Variants in PPARGC1A observed in about 807,000 individuals in gnomAD.
PPARGC1A encodes the protein PPARG coactivator 1 alpha.
In PPARGC1A, 25 loss-of-function variants were observed where a neutral mutation model predicts 88.7. That is an observed-to-expected ratio of 0.28 (90% CI 0.21 to 0.39). The LOEUF (loss-of-function observed/expected upper bound fraction) is 0.39. Among genes scored for constraint, PPARGC1A ranks in the 10% least tolerant of loss-of-function variants. The pLI is 1.00. For synonymous variants in PPARGC1A, 363 were observed against 355.6 expected (o/e 1.02, Z -0.24); for missense variants, 880 against 968.7 (o/e 0.91, Z 1.22).
the PPARGC1A span, among the ~76,000 whole-genome samples, chr4:24,316,543 C>T: frequency 2.1e-3 from 320 of 152,262 alleles, 1 homozygote; most frequent in African/African-American, 7.2e-3. Context: ...TTTTAAAACC[C>T]TCCACATTAG....
At chr4:24,007,652 T>C in the PPARGC1A span, among the ~76,000 whole-genome samples, 1 of 152,128 alleles carries the variant, frequency 6.6e-6, no homozygotes, top group Non-Finnish European at 1.5e-5. Flanking sequence ...GCCACATCCC[T>C]GGAGCCCAAA....
the PPARGC1A span, among the ~76,000 whole-genome samples, chr4:24,238,749 G>A: frequency 7.5e-5 from 6 of 79,490 alleles, no homozygotes; most frequent in South Asian, 1.1e-3. Context: ...TTGTATATGT[G>A]TGTGTGTGTG....
chr4:24,203,156 G>A, the PPARGC1A span, among the ~76,000 whole-genome samples: 3 of 152,238 alleles, frequency 2.0e-5, no homozygotes, highest in Non-Finnish European at 2.9e-5. Context: ...GAAAGGTGAG[G>A]AGTGTGAGGA....
At chr4:23,813,237 T>G in intron 8 of PPARGC1A, 112 bp from the exon 9 acceptor site, 1 of 888,546 alleles carries the variant, frequency 1.1e-6, no homozygotes, top group Non-Finnish European at 1.8e-6. Flanking sequence ...TGGCTTTTTC[T>G]TCCCAGCTAC....
chr4:24,165,014 A>C, the PPARGC1A span, among the ~76,000 whole-genome samples: 6 of 152,174 alleles, frequency 3.9e-5, no homozygotes, highest in Non-Finnish European at 8.8e-5. Context: ...CACAACTAAA[A>C]GGAGTAGCTA....
At chr4:23,947,332 T>G in the PPARGC1A span, among the ~76,000 whole-genome samples, 3 of 142,350 alleles carry the variant, frequency 2.1e-5, no homozygotes, top group Non-Finnish European at 4.5e-5. Context: ...CAGATATAAT[T>G]ATAATCATTG....
At chr4:24,312,725 TAC>T in the PPARGC1A span, among the ~76,000 whole-genome samples, 1 of 151,916 alleles carries the variant, frequency 6.6e-6, no homozygotes, top group African/African-American at 2.4e-5. Context: ...TGGTACAAAG[TAC>T]AGTGGTTAGC....
At chr4:24,289,018 C>G in the PPARGC1A span, among the ~76,000 whole-genome samples, 1 of 152,052 alleles carries the variant, frequency 6.6e-6, no homozygotes, top group South Asian at 2.1e-4. Flanking sequence ...TCAGGAGTTC[C>G]AGGCCAGCCT....
chr4:23,972,976 C>G, the PPARGC1A span, among the ~76,000 whole-genome samples: 1 of 152,136 alleles, frequency 6.6e-6, no homozygotes, highest in Non-Finnish European at 1.5e-5. Flanking sequence ...CTCAGCTGCT[C>G]GTTAAGCAAA....
the PPARGC1A span, among the ~76,000 whole-genome samples, chr4:24,100,951 C>T: frequency 6.6e-6 from 1 of 152,130 alleles, no homozygotes; most frequent in Non-Finnish European, 1.5e-5. Context: ...ATGTATTAAC[C>T]TAACATCCAT....
the PPARGC1A span, among the ~76,000 whole-genome samples, chr4:24,059,967 G>A: frequency 3.3e-5 from 5 of 152,110 alleles, no homozygotes; most frequent in African/African-American, 4.8e-5. Flanking sequence ...GCCTTTCTGC[G>A]TCCCACTGCC....
At chr4:24,188,374 A>T in the PPARGC1A span, among the ~76,000 whole-genome samples, 1 of 152,122 alleles carries the variant, frequency 6.6e-6, no homozygotes, top group Admixed American at 6.5e-5. Context: ...AAGAAACGAA[A>T]GGTGAGTCTG....
the PPARGC1A span, among the ~76,000 whole-genome samples, chr4:24,343,046 A>T: frequency 2.0e-5 from 3 of 152,128 alleles, no homozygotes; most frequent in Non-Finnish European, 4.4e-5. Context: ...AGCTTGTGGG[A>T]TTCATCAGGA....
the PPARGC1A span, among the ~76,000 whole-genome samples, chr4:24,280,422 T>C: frequency 6.6e-6 from 1 of 152,170 alleles, no homozygotes; most frequent in South Asian, 2.1e-4. Context: ...CAGAGCTGCA[T>C]CCTGAAAGCT....
At chr4:24,212,648 T>C in the PPARGC1A span, among the ~76,000 whole-genome samples, 1 of 152,208 alleles carries the variant, frequency 6.6e-6, no homozygotes. Context: ...GGGCAACTTG[T>C]TGGGGATCCT....
chr4:24,186,533 C>T, the PPARGC1A span, among the ~76,000 whole-genome samples: 1 of 152,220 alleles, frequency 6.6e-6, no homozygotes, highest in South Asian at 2.1e-4. Context: ...AGCCTACCTA[C>T]CAGGGTTGTT....
At chr4:23,872,450 C>T (rs1315645693) in intron 2 of PPARGC1A, among the ~76,000 whole-genome samples, 2 of 152,130 alleles carry the variant, frequency 1.3e-5, no homozygotes, top group Non-Finnish European at 2.9e-5. Context: ...TTTGTTGGGG[C>T]AGTGGGACAG....
chr4:23,985,556 A>G, the PPARGC1A span, among the ~76,000 whole-genome samples: 2 of 151,872 alleles, frequency 1.3e-5, no homozygotes, highest in Non-Finnish European at 2.9e-5. Context: ...TTAGCTAAAC[A>G]GACATGTAGT....
chr4:24,410,163 G>A, the PPARGC1A span, among the ~76,000 whole-genome samples: 2 of 152,066 alleles, frequency 1.3e-5, no homozygotes, highest in Admixed American at 1.3e-4. Flanking sequence ...TGAAAAAATT[G>A]TGAAAATAAT....
Sources: gnomAD v4.1 joint callset for allele counts (sites outside exome capture counted in the v4.1 genomes callset) on GRCh38, gnomAD v4.1.1 for gene constraint, MANE v1.5 for transcripts, NCBI Gene and HGNC (gene_info 2026-07-23, HGNC 2026-07-21) for gene names.